The following AGFG1 variants were observed in gnomAD, a reference collection of about 807,000 sequenced individuals.
The protein encoded by AGFG1 is ArfGAP with FG repeats 1.
A neutral mutation model predicts 60.6 loss-of-function variants in AGFG1; 10 were observed. The ratio of observed to expected loss-of-function variants is 0.16; its 90% CI spans 0.10 to 0.28. The LOEUF is 0.28. Ranked by LOEUF, AGFG1 falls within the 10% of genes least tolerant of loss-of-function variation. AGFG1 has a pLI of 1.00. For missense variants in AGFG1, 537 were observed against 676.5 expected (o/e 0.79, Z 2.29); for synonymous variants, 247 against 242.9 (o/e 1.02, Z -0.16).
rs964823574 is a variant in AGFG1, at chr2:227,559,431, C to T, written c.*4936C>T. On this transcript the variant is annotated 3_prime_UTR_variant, in exon 13 of 13. Coordinates refer to ENST00000310078, the MANE Select transcript of AGFG1 (RefSeq NM_004504.5). ...AGTGGTATTTTCCAGTGAAGACTAT[C>T]GCCAAGAATGCATATCATTCTGCTT... 4 of 152,142 alleles carry T rather than the reference C, an allele frequency of 2.6e-5. No homozygotes were observed. The highest frequency in any genetic ancestry group is 6.6e-5 in the Admixed American group (1 of 15,266). The allele number at this position is 152,142 out of a possible 1,614,324, so 9.4% of individuals were successfully genotyped here.
At chr2:227,484,698 T>TG (rs1559167275) in intron 1 of AGFG1, among the ~76,000 whole-genome samples, 5 of 18,802 alleles carry the variant, frequency 2.7e-4, no homozygotes, top group Non-Finnish European at 3.6e-4. Context: ...GTTTTTTTTT[T>TG]TTTTTTTTTT....
At chr2:227,502,621 C>T (rs557058495) in intron 2 of AGFG1, among the ~76,000 whole-genome samples, 18 of 152,200 alleles carry the variant, frequency 1.2e-4, no homozygotes, top group African/African-American at 3.9e-4. Context: ...ATGCCTGGCC[C>T]TCATTTATTT....
intron 2 of AGFG1, among the ~76,000 whole-genome samples, chr2:227,510,091 T>C (rs1691450577): frequency 6.6e-6 from 1 of 152,130 alleles, no homozygotes. Flanking sequence ...TAATAATAAG[T>C]CTTAAATTTA....
In AGFG1 at chr2:227,533,727, T is replaced by C. The variant is rs1167030108; in HGVS notation, c.993T>C (p.Ala331=). The part of the protein sequence containing the change: ...LQTADKYAAL[A]NLDNIFSAGQ... ...CTGCAGACAAATATGCAGCACTTGC[T>C]AATTTAGACAATATCTTCAGTGCCG... Residue 331 remains alanine, a synonymous_variant, in exon 7 of 13, where the codon GCT becomes GCC. Coordinates refer to ENST00000310078, the MANE Select transcript of AGFG1 (RefSeq NM_004504.5). 6.2e-7 allele frequency: 1 copy of C among 1,613,746 alleles called. No homozygotes were observed. Among genetic ancestry groups the C allele is most frequent in the Admixed American group, 1.7e-5 (1 of 59,974 alleles).
chr2:227,480,690 T>C (rs1224722784), intron 1 of AGFG1, among the ~76,000 whole-genome samples: 1 of 152,138 alleles, frequency 6.6e-6, no homozygotes, highest in Admixed American at 6.5e-5. Flanking sequence ...ACCAGAACTT[T>C]TCTTCTATCT....
intron 2 of AGFG1, among the ~76,000 whole-genome samples, chr2:227,502,280 A>G (rs1463749245): frequency 6.6e-6 from 1 of 152,004 alleles, no homozygotes; most frequent in East Asian, 1.9e-4. Flanking sequence ...TGTCAGATAT[A>G]TCCTTAGTAA....
intron 2 of AGFG1, among the ~76,000 whole-genome samples, chr2:227,497,735 G>T (rs13008580): frequency 0.5 from 13,889 of 27,660 alleles, 2,769 homozygotes; most frequent in East Asian, 0.57. Context: ...TTCTTGTTTT[G>T]TTTTTTTTTT....
At chr2:227,493,623 T>C (rs561948840) in intron 2 of AGFG1, among the ~76,000 whole-genome samples, 1 of 152,364 alleles carries the variant, frequency 6.6e-6, no homozygotes, top group Admixed American at 6.5e-5. Context: ...AATGTATTTA[T>C]GAATCTTAAG....
intron 4 of AGFG1, among the ~76,000 whole-genome samples, chr2:227,524,336 T>C (rs1194237288): frequency 2.0e-5 from 3 of 151,110 alleles, no homozygotes; most frequent in African/African-American, 4.9e-5. Context: ...TTTTCCCACA[T>C]GTGTGATTGT....
chr2:227,481,365 A>G (rs914629393), intron 1 of AGFG1, among the ~76,000 whole-genome samples: 5 of 151,902 alleles, frequency 3.3e-5, no homozygotes, highest in Admixed American at 6.6e-5. Context: ...ACTTTCCTTC[A>G]GACTTCCCAC....
chr2:227,553,709 G>C lies in AGFG1; in HGVS notation c.1543G>C (p.Gly515Arg), dbSNP rs776035320. The change falls in exon 12 of 13, where the codon GGT (glycine) becomes CGT (arginine). Residue 515 changes from glycine (G) to arginine (R), a missense_variant. By Grantham distance (125) the Gly-to-Arg change is moderately radical. This residue lies in a region of AGFG1 where 287 missense variants were observed against 343.6 expected (regional missense o/e 0.84). Coordinates refer to ENST00000310078, the MANE Select transcript of AGFG1 (RefSeq NM_004504.5). ...GGTGGTTCTATTTTAACAAGGTGCA[G>C]GTTTTGCAGCATTTGGACAAACAAA... ...TAFSQQPNGA[G>R]FAAFGQTKPV... 1.9e-6 allele frequency: 3 copies of C among 1,613,404 alleles called. No individual in the cohort carries two copies. Among genetic ancestry groups the C allele is most frequent in the Admixed American group, 3.3e-5 (2 of 59,980 alleles).
intron 2 of AGFG1, chr2:227,508,514 C>A (rs1691394128): frequency 6.8e-5 from 27 of 399,810 alleles, no homozygotes; most frequent in South Asian, 4.5e-4. Context: ...AAATGTAAAG[C>A]TTTTTCTGTG....
chr2:227,483,774 A>G (rs1690538096), intron 1 of AGFG1, among the ~76,000 whole-genome samples: 1 of 152,166 alleles, frequency 6.6e-6, no homozygotes, highest in Admixed American at 6.5e-5. Context: ...GTTTATGCTC[A>G]AGTTTTTGGG....
chr2:227,486,986 A>G (rs536963673), intron 1 of AGFG1, among the ~76,000 whole-genome samples: 20 of 152,358 alleles, frequency 1.3e-4, no homozygotes, highest in Non-Finnish European at 2.2e-4. Context: ...CAAAATGTCA[A>G]TAGTGTCAAA....
intron 2 of AGFG1, among the ~76,000 whole-genome samples, chr2:227,518,516 CTTTT>C (rs1222543055): frequency 1.1e-4 from 11 of 102,336 alleles, no homozygotes; most frequent in Non-Finnish European, 1.6e-4. Context: ...GTCTCAGTGT[CTTTT>C]TTTTTTTTTT....
At chr2:227,504,636 T>C (rs1691259456) in intron 2 of AGFG1, among the ~76,000 whole-genome samples, 1 of 152,268 alleles carries the variant, frequency 6.6e-6, no homozygotes. Flanking sequence ...TTGATGTATT[T>C]TATCATTTGG....
intron 6 of AGFG1, among the ~76,000 whole-genome samples, chr2:227,531,448 C>T: frequency 6.6e-6 from 1 of 151,046 alleles, no homozygotes; most frequent in East Asian, 1.9e-4. Flanking sequence ...TTTTCCTGCG[C>T]ATGAATCTTC....
chr2:227,536,556 T>C lies in AGFG1; in HGVS notation c.1206-69T>C, dbSNP rs550050023. 3.1e-5 allele frequency: 41 copies of C among 1,319,152 alleles called. No individual in the cohort carries two copies. The Middle Eastern group carries it at 5.5e-4, about 18-fold the overall frequency. The allele number at this position is 1,319,152 out of a possible 1,614,324, so 81.7% of individuals were successfully genotyped here. On this transcript the variant is annotated intron_variant, in intron 8 of 12. Coordinates refer to ENST00000310078, the MANE Select transcript of AGFG1 (RefSeq NM_004504.5). Reference sequence around the variant, plus strand: ...CACGATATGTTCATTATTTTATGGCTACCCTGTAAATCGTTACTTTCTTTT... The same window carrying C: ...CACGATATGTTCATTATTTTATGGCCACCCTGTAAATCGTTACTTTCTTTT...
rs536090373 is a variant in AGFG1, at chr2:227,533,531, C to T, written c.815-18C>T. On this transcript the variant is annotated intron_variant, in intron 6 of 12. Coordinates refer to ENST00000310078, the MANE Select transcript of AGFG1 (RefSeq NM_004504.5). ...GAAAAGCTTAGAAATTTCAAGTGCT[C>T]TGTTTATTCTGTTACAGGTGGAAGT... is the stretch of plus-strand genomic sequence containing the variant. 6.2e-7 allele frequency: 1 copy of T among 1,609,876 alleles called. No individual in the cohort carries two copies. The highest frequency in any genetic ancestry group is 8.5e-7 in the Non-Finnish European group (1 of 1,176,524).
Sources: allele counts gnomAD v4.1 joint callset (sites outside exome capture counted in the v4.1 genomes callset), GRCh38; gene constraint gnomAD v4.1.1; regional missense constraint gnomAD v4.1.1; transcripts MANE v1.5; gene names NCBI Gene and HGNC (gene_info 2026-07-23, HGNC 2026-07-21).